The following GOLGA5 variants were observed in gnomAD, a reference collection of about 807,000 sequenced individuals.
The protein encoded by GOLGA5 is golgin subfamily A member 5.
Under a neutral mutation model 93.5 loss-of-function variants are expected in GOLGA5, and 50 were observed. That is an observed-to-expected ratio of 0.53 (90% CI 0.43 to 0.68). The LOEUF (loss-of-function observed/expected upper bound fraction) is 0.68, where lower values mean the gene tolerates loss of function less well. Among genes scored for constraint, GOLGA5 ranks in the 30% least tolerant of loss-of-function variants. The pLI is 0.00. For missense variants in GOLGA5, 760 were observed against 856.4 expected (o/e 0.89, Z 1.40); for synonymous variants, 312 against 304.5 (o/e 1.02, Z -0.26).
chr14:92,839,504 A>G lies in GOLGA5; in HGVS notation c.*58A>G, dbSNP rs1885715165. On this transcript the variant is annotated 3_prime_UTR_variant, in exon 13 of 13. Transcript: ENST00000163416. ...TTTTTCTAGACTTGGGATCTGCAAG[A>G]AGGCCAATTGCCTAAAATTTCTGAG... 3 of 1,123,378 alleles carry G rather than the reference A, an allele frequency of 2.7e-6. No individual in the cohort carries two copies. The East Asian group carries it at 7.0e-5, about 26-fold the overall frequency. 69.6% of individuals were successfully genotyped at this position (1,123,378 alleles called of 1,614,324 possible).
chr14:92,835,346 T>C (rs1370685295), intron 10 of GOLGA5, among the ~76,000 whole-genome samples: 1 of 152,222 alleles, frequency 6.6e-6, no homozygotes, highest in African/African-American at 2.4e-5. Context: ...CATTTTCTTA[T>C]TTAAAACTTT....
At chr14:92,838,819 A>T (rs778076547) in intron 12 of GOLGA5, among the ~76,000 whole-genome samples, 1 of 152,042 alleles carries the variant, frequency 6.6e-6, no homozygotes, top group Non-Finnish European at 1.5e-5. Flanking sequence ...TGCCCATGAG[A>T]TGTGATTTCT....
chr14:92,800,235 A>C (rs11847677), intron 2 of GOLGA5, among the ~76,000 whole-genome samples: 10,077 of 152,282 alleles, frequency 0.066, 399 homozygotes, highest in Middle Eastern at 0.12. Context: ...TGTAGCAATT[A>C]AGTATGGTCA....
At chr14:92,830,471 ATTC>A (rs1885507867) in intron 9 of GOLGA5, among the ~76,000 whole-genome samples, 1 of 151,950 alleles carries the variant, frequency 6.6e-6, no homozygotes, top group African/African-American at 2.4e-5. Context: ...GCCCAAGATA[ATTC>A]TTCTAGTGTG....
rs774843932 is a variant in GOLGA5, at chr14:92,816,358, G to A, written c.1428G>A (p.Glu476=). The A allele has an allele frequency of 5.0e-6, 8 of 1,613,922 alleles. No individual in the cohort carries two copies. The East Asian group carries it at 1.6e-4, about 31-fold the overall frequency. The change falls in exon 7 of 13, where the codon GAG becomes GAA. Residue 476 remains glutamate, a synonymous_variant. Transcript: ENST00000163416. ...MELEELRHEK[E]MQREEIQKLM... The stretch of plus-strand genomic sequence containing the variant: ...TGGAAGAACTTCGGCATGAGAAAGA[G>A]ATGCAGAGGGAGGAAATACAGAAGC...
chr14:92,806,139 A>G lies in GOLGA5; in HGVS notation c.545-597A>G, dbSNP rs569042050. ...TGGAGACAAAAGGAAATCCAAACCC[A>G]TTTTACCTGAACCCAACCACTCACA... On this transcript the variant is annotated intron_variant, in intron 2 of 12. Transcript: ENST00000163416. Among the ~76,000 whole-genome samples the G allele has an allele frequency of 3.9e-5, 6 of 152,106 alleles. No individual in the cohort carries two copies. The South Asian group carries it at 1.2e-3, about 32-fold the overall frequency.
intron 8 of GOLGA5, among the ~76,000 whole-genome samples, chr14:92,823,438 T>C (rs1398102460): frequency 1.3e-5 from 2 of 149,066 alleles, no homozygotes; most frequent in African/African-American, 5.0e-5. Context: ...TTTTGAGCCA[T>C]GGTTTCACTC....
At chr14:92,826,502 C>A (rs1885424741) in intron 9 of GOLGA5, among the ~76,000 whole-genome samples, 1 of 151,958 alleles carries the variant, frequency 6.6e-6, no homozygotes, top group South Asian at 2.1e-4. Context: ...TCAAGACCAG[C>A]CAGGCCAACA....
chr14:92,800,761 G>A (rs1322873577), intron 2 of GOLGA5, among the ~76,000 whole-genome samples: 3 of 152,204 alleles, frequency 2.0e-5, no homozygotes, highest in Non-Finnish European at 2.9e-5. Flanking sequence ...GCCATAGCCA[G>A]TGTGATGCTA....
rs1176258446 is a variant in GOLGA5, at chr14:92,831,840, AC to A, written c.1720-1280del. The stretch of plus-strand genomic sequence containing the variant: ...AAGGAAGCTAATTTTTTAAGTGCCT[AC>A]CATATGACAGGTACCATATTAGGTG... On this transcript the variant is annotated intron_variant, in intron 9 of 12. Transcript: ENST00000163416. 2.0e-5 allele frequency among the ~76,000 whole-genome samples: 3 copies of A among 152,102 alleles called. No individual in the cohort carries two copies. The East Asian group carries it at 5.8e-4, about 29-fold the overall frequency.
At chr14:92,806,651 A>G in intron 2 of GOLGA5, 85 bp from the exon 3 acceptor site, 1 of 880,868 alleles carries the variant, frequency 1.1e-6, no homozygotes, top group Non-Finnish European at 1.9e-6. Context: ...TGTAGCAGTC[A>G]ACTTGAGCAT....
intron 2 of GOLGA5, among the ~76,000 whole-genome samples, chr14:92,804,016 C>T (rs1453775038): frequency 3.3e-5 from 5 of 151,960 alleles, no homozygotes; most frequent in African/African-American, 1.2e-4. Context: ...ATGTTTATTT[C>T]CTCTTTTGTT....
At chr14:92,800,959 T>A (rs1051535882) in intron 2 of GOLGA5, among the ~76,000 whole-genome samples, 1 of 152,218 alleles carries the variant, frequency 6.6e-6, no homozygotes, top group African/African-American at 2.4e-5. Context: ...ACCTTGAGAC[T>A]TGGTGTTTTG....
At chr14:92,825,867 G>T (rs35094841) in intron 9 of GOLGA5, among the ~76,000 whole-genome samples, 2 of 140,078 alleles carry the variant, frequency 1.4e-5, no homozygotes, top group African/African-American at 5.3e-5. Context: ...AAAAAAAAAA[G>T]AAAAAACAAC....
intron 1 of GOLGA5, 128 bp from the exon 2 acceptor site, chr14:92,797,280 G>A: frequency 1.8e-6 from 1 of 555,816 alleles, no homozygotes; most frequent in South Asian, 2.6e-5. Context: ...GTTTTCTCAA[G>A]GTTACCTAGC....
intron 7 of GOLGA5, among the ~76,000 whole-genome samples, chr14:92,817,096 A>C (rs1422869017): frequency 6.6e-6 from 1 of 151,572 alleles, no homozygotes; most frequent in African/African-American, 2.4e-5. Context: ...GTGCGCCACC[A>C]CACCTGGCTA....
At chr14:92,795,704 A>G (rs4900150) in intron 1 of GOLGA5, among the ~76,000 whole-genome samples, 1 of 152,060 alleles carries the variant, frequency 6.6e-6, no homozygotes, top group African/African-American at 2.4e-5. Flanking sequence ...CCACTGCCCC[A>G]CTTTCCCCAA....
At position 92,809,319 on chromosome 14, in the gene GOLGA5, A is replaced by G; in HGVS notation, c.792A>G (p.Ala264=). The G allele has an allele frequency of 6.2e-7, 1 of 1,611,716 alleles. No homozygotes were observed. Among genetic ancestry groups the G allele is most frequent in the Non-Finnish European group, 8.5e-7 (1 of 1,177,732 alleles). ...ETQEELNKAR[A]RVEKWNADHS... is the part of the protein sequence containing the mutation. ...TAATAGAATTAAACAAAGCAAGAGC[A>G]AGAGTTGAAAAGTGGAATGCTGACC... is the stretch of plus-strand genomic sequence containing the variant. Residue 264 remains alanine (A), a synonymous_variant, in exon 4 of 13, where the codon GCA becomes GCG. Coordinates refer to ENST00000163416, the MANE Select transcript of GOLGA5 (RefSeq NM_005113.4).
intron 4 of GOLGA5, among the ~76,000 whole-genome samples, chr14:92,810,044 CATTA>C (rs1324570199): frequency 1.3e-5 from 2 of 152,206 alleles, no homozygotes; most frequent in African/African-American, 2.4e-5. Flanking sequence ...TTTGTTGTGT[CATTA>C]ATCTTTCATT....
Sources: allele counts gnomAD v4.1 joint callset (sites outside exome capture counted in the v4.1 genomes callset), GRCh38; gene constraint gnomAD v4.1.1; transcripts MANE v1.5; gene names NCBI Gene and HGNC (gene_info 2026-07-23, HGNC 2026-07-21).